The following TET1 variants were observed in gnomAD, a reference collection of about 807,000 sequenced individuals.
TET1 encodes the protein methylcytosine dioxygenase TET1.
A neutral mutation model predicts 148.7 loss-of-function variants in TET1; 13 were observed. The ratio of observed to expected loss-of-function variants is 0.09; its 90% CI spans 0.06 to 0.14. The LOEUF (loss-of-function observed/expected upper bound fraction) is 0.14. Ranked by LOEUF, TET1 falls within the 10% of genes least tolerant of loss-of-function variation. The pLI is 1.00. For synonymous variants in TET1, 907 were observed against 937.2 expected (o/e 0.97, Z 0.59); for missense variants, 2,182 against 2,553.8 (o/e 0.85, Z 3.14).
chr10:68,570,293 C>T (rs1009763673), intron 1 of TET1, among the ~76,000 whole-genome samples: 3 of 151,562 alleles, frequency 2.0e-5, no homozygotes, highest in East Asian at 3.9e-4. Flanking sequence ...TTGGTAGAGA[C>T]GGGGTTTCAC....
Position 68,632,228 on chromosome 10 carries a change from A to G in TET1, c.1969-12470A>G, listed in dbSNP as rs542242470. The G allele has an allele frequency of 3.1e-5, 21 of 670,816 alleles. No homozygotes were observed. In the African/African-American group the frequency reaches 3.2e-4, roughly 10 times the overall value. The allele number at this position is 670,816 out of a possible 1,614,324, so 41.6% of individuals were successfully genotyped here. On this transcript the variant is annotated intron_variant, in intron 3 of 11. Transcript: ENST00000373644. ...TCCTAGCTACTCAGGAGGCTGAGGC[A>G]GGAGAATGGCGTGAACCCGGGAGGC... is the stretch of plus-strand genomic sequence containing the variant.
At chr10:68,656,123 T>A (rs1241982413) in intron 6 of TET1, among the ~76,000 whole-genome samples, 1 of 151,862 alleles carries the variant, frequency 6.6e-6, no homozygotes, top group East Asian at 1.9e-4. Context: ...AGCTCAGGGC[T>A]CCCACTGATT....
At chr10:68,608,573 C>T (rs7082768) in intron 3 of TET1, among the ~76,000 whole-genome samples, 2,619 of 151,058 alleles carry the variant, frequency 0.017, 80 homozygotes, top group African/African-American at 0.06. Flanking sequence ...CTTGGTTTGT[C>T]ACCCAGGCAG....
chr10:68,591,747 C>G (rs1424124664), intron 2 of TET1, among the ~76,000 whole-genome samples: 1 of 151,660 alleles, frequency 6.6e-6, no homozygotes, highest in Admixed American at 6.6e-5. Context: ...CTAAAAAATA[C>G]AAAAAATTAG....
Position 68,574,966 on chromosome 10 carries a change from G to A in TET1, c.1914+714G>A, listed in dbSNP as rs183909973. On this transcript the variant is annotated intron_variant, in intron 2 of 11. Transcript: ENST00000373644. ...TTTTAGGGAGCTTGGTTAAAACCCA[G>A]TATTGCTTTTTTGGCCTTTTGAAAC... is the stretch of plus-strand genomic sequence containing the variant. Among the ~76,000 whole-genome samples the A allele has an allele frequency of 2.0e-5, 3 of 152,308 alleles. No individual in the cohort carries two copies. In the East Asian group the frequency reaches 5.8e-4, roughly 29 times the overall value.
Position 68,691,220 on chromosome 10 carries a change from A to G in TET1, c.5817A>G (p.Pro1939=). 6.2e-7 allele frequency: 1 copy of G among 1,614,100 alleles called. No individual in the cohort carries two copies. Among genetic ancestry groups the G allele is most frequent in the Non-Finnish European group, 8.5e-7 (1 of 1,180,018 alleles). ...GVTEPLTPHQ[P]NHQPSFLTSP... Reference sequence around the variant, plus strand: ...CTGAGCCGCTAACGCCTCATCAGCCAAACCACCAGCCCTCCTTCCTCACCT... The same window carrying G: ...CTGAGCCGCTAACGCCTCATCAGCCGAACCACCAGCCCTCCTTCCTCACCT... Residue 1939 remains proline (P), a synonymous_variant, in exon 12 of 12, where the codon CCA becomes CCG. Coordinates refer to ENST00000373644, the MANE Select transcript of TET1 (RefSeq NM_030625.3). The surrounding 1 kb of genome is among the most constrained non-coding windows in gnomAD (Gnocchi z 4.4).
chr10:68,601,600 C>G (rs574274618), intron 3 of TET1, among the ~76,000 whole-genome samples: 1 of 152,202 alleles, frequency 6.6e-6, no homozygotes, highest in African/African-American at 2.4e-5. Flanking sequence ...TCTTTATTTT[C>G]TATAGTTTGC....
intron 6 of TET1, among the ~76,000 whole-genome samples, chr10:68,663,177 C>T (rs2055146980): frequency 6.6e-6 from 1 of 152,132 alleles, no homozygotes; most frequent in South Asian, 2.1e-4. Context: ...ACATGATGCT[C>T]ATTTACCCTT....
chr10:68,672,487 CAAAAAAAAAAAAAAAAA>C (rs71483920), intron 7 of TET1, among the ~76,000 whole-genome samples: 2 of 49,732 alleles, frequency 4.0e-5, no homozygotes, highest in Non-Finnish European at 6.4e-5. Context: ...GACCCCATCT[CAAAAAAAAAAAAAAAAA>C]AAAAAAACAC....
chr10:68,576,034 A>T (rs185611055), intron 2 of TET1, among the ~76,000 whole-genome samples: 1,883 of 149,626 alleles, frequency 0.013, 54 homozygotes, highest in African/African-American at 0.044. Flanking sequence ...AAAAAAAAAA[A>T]TTAAATAAAT....
At position 68,693,641 on chromosome 10, in the gene TET1, G is replaced by A. The variant is rs945079339; in HGVS notation, c.*1827G>A. The A allele has an allele frequency of 8.6e-6, 2 of 232,150 alleles. No individual in the cohort carries two copies. Among genetic ancestry groups the A allele is most frequent in the East Asian group, 6.1e-5 (1 of 16,390 alleles). The allele number at this position is 232,150 out of a possible 1,614,324, so 14.4% of individuals were successfully genotyped here. Reference sequence around the variant, plus strand: ...ATTCATTGACTTGTTTTAGTATTTTGTGTGCCTTAGATTTCCGTTTTAAGA... The same window carrying A: ...ATTCATTGACTTGTTTTAGTATTTTATGTGCCTTAGATTTCCGTTTTAAGA... On this transcript the variant is annotated 3_prime_UTR_variant, in exon 12 of 12. Transcript: ENST00000373644.
intron 2 of TET1, among the ~76,000 whole-genome samples, chr10:68,574,722 C>T (rs2053708700): frequency 6.6e-6 from 1 of 152,158 alleles, no homozygotes; most frequent in African/African-American, 2.4e-5. Context: ...AGTTGCATCC[C>T]TAATCTTGAA....
intron 6 of TET1, among the ~76,000 whole-genome samples, chr10:68,660,138 T>C (rs2055084335): frequency 6.6e-6 from 1 of 152,184 alleles, no homozygotes; most frequent in African/African-American, 2.4e-5. Flanking sequence ...GGAATTTGTA[T>C]GCTGCCCAGA....
chr10:68,627,589 C>CT (rs2054504186), intron 3 of TET1, among the ~76,000 whole-genome samples: 1 of 151,318 alleles, frequency 6.6e-6, no homozygotes, highest in Non-Finnish European at 1.5e-5. Context: ...GAGCGAGACT[C>CT]TGTCTCAAAA....
chr10:68,590,216 G>A (rs1039720161), intron 2 of TET1, among the ~76,000 whole-genome samples: 6 of 151,968 alleles, frequency 3.9e-5, no homozygotes, highest in African/African-American at 1.2e-4. Context: ...AGACTCAAGT[G>A]ATTCTCCCAT....
At chr10:68,685,398 A>G (rs1298751768) in intron 10 of TET1, among the ~76,000 whole-genome samples, 2 of 152,126 alleles carry the variant, frequency 1.3e-5, no homozygotes, top group Admixed American at 1.3e-4. Flanking sequence ...GCTCCGGGAT[A>G]TATGTTTTTA....
intron 3 of TET1, among the ~76,000 whole-genome samples, chr10:68,613,129 A>G (rs1249234507): frequency 6.6e-6 from 1 of 152,224 alleles, no homozygotes; most frequent in African/African-American, 2.4e-5. Flanking sequence ...AGGAAAAACT[A>G]CTTCCTCAAA....
intron 4 of TET1, among the ~76,000 whole-genome samples, chr10:68,650,461 G>A (rs1421851797): frequency 1.3e-5 from 2 of 151,912 alleles, no homozygotes; most frequent in African/African-American, 4.8e-5. Flanking sequence ...TGGCCAACAT[G>A]GTGAAGCTAA....
intron 2 of TET1, among the ~76,000 whole-genome samples, chr10:68,580,792 A>AT: frequency 2.2e-5 from 2 of 90,874 alleles, no homozygotes; most frequent in African/African-American, 7.0e-5. Flanking sequence ...CAAAAAAAAA[A>AT]AAAAAAAAAA....
Sources: gnomAD v4.1 joint callset for allele counts (sites outside exome capture counted in the v4.1 genomes callset) on GRCh38, gnomAD v4.1.1 for gene constraint, Gnocchi (gnomAD v3.1) non-coding constraint, MANE v1.5 for transcripts, NCBI Gene and HGNC (gene_info 2026-07-23, HGNC 2026-07-21) for gene names.